The following AASS variants were observed in gnomAD, a reference collection of about 807,000 sequenced individuals.
The protein encoded by AASS is alpha-aminoadipic semialdehyde synthase, mitochondrial.
In AASS, 86 loss-of-function variants were observed where a neutral mutation model predicts 105.4. The ratio of observed to expected loss-of-function variants is 0.82; its 90% confidence interval spans 0.69 to 0.98. The LOEUF (loss-of-function observed/expected upper bound fraction) is 0.98, where lower values mean the gene tolerates loss of function less well. Among genes scored for constraint, AASS ranks in the 50% least tolerant of loss-of-function variants. AASS has a pLI of 0.00. For missense variants in AASS, 1,048 were observed against 1,143.2 expected (o/e 0.92, Z 1.20); for synonymous variants, 381 against 394.8 (o/e 0.96, Z 0.41).
In AASS at chr7:122,076,313, C is replaced by CT. The variant is rs1013032596; in HGVS notation, c.*175dup. ...AAAGTTCTCTGTTAGTGGCTTGCAT[C>CT]TCCTGTTCCAAACATTTCCATATTA... is the stretch of plus-strand genomic sequence containing the variant. On this transcript the variant is annotated 3_prime_UTR_variant, in exon 24 of 24. Coordinates refer to ENST00000417368, the MANE Select transcript of AASS (RefSeq NM_005763.4). 7 of 594,970 alleles carry CT rather than the reference C, an allele frequency of 1.2e-5. No individual in the cohort carries two copies. Among genetic ancestry groups the CT allele is most frequent in the African/African-American group, 1.1e-4 (6 of 53,896 alleles). The allele number at this position is 594,970 out of a possible 1,614,324, so 36.9% of individuals were successfully genotyped here.
intron 3 of AASS, among the ~76,000 whole-genome samples, chr7:122,127,651 A>G (rs535789718): frequency 1.3e-5 from 2 of 152,312 alleles, no homozygotes; most frequent in African/African-American, 4.8e-5. Context: ...TTTGGAATCA[A>G]TTGGAAGTAT....
At chr7:122,141,186 C>T (rs1362775565) in intron 1 of AASS, among the ~76,000 whole-genome samples, 1 of 152,148 alleles carries the variant, frequency 6.6e-6, no homozygotes, top group Non-Finnish European at 1.5e-5. Context: ...CCATGTTAAA[C>T]CCTCTATAAA....
intron 6 of AASS, 108 bp from the exon 7 acceptor site, chr7:122,117,065 C>G: frequency 1.0e-6 from 1 of 997,910 alleles, no homozygotes; most frequent in Non-Finnish European, 1.6e-6. Flanking sequence ...CTCCACTTGC[C>G]TTCCCTACAA....
chr7:122,112,414 G>C (rs930174407), intron 11 of AASS, among the ~76,000 whole-genome samples: 6 of 152,276 alleles, frequency 3.9e-5, no homozygotes, highest in Non-Finnish European at 5.9e-5. Flanking sequence ...GAGGATCACA[G>C]ACTGGAAATT....
Position 122,091,605 on chromosome 7 carries a change from C to T in AASS, c.2016+98G>A, listed in dbSNP as rs138189092. Reference sequence around the variant, plus strand: ...AGGAGGAGATAATGGAGACAGGCAGCATCACCATTATTAAAGGGTTTGGGA... The same window carrying T: ...AGGAGGAGATAATGGAGACAGGCAGTATCACCATTATTAAAGGGTTTGGGA... On this transcript the variant is annotated intron_variant, in intron 18 of 23. Coordinates refer to ENST00000417368, the MANE Select transcript of AASS (RefSeq NM_005763.4). The T allele has an allele frequency of 1.5e-3, 2,363 of 1,548,930 alleles. 4 individuals carry two copies. The highest frequency in any genetic ancestry group is 1.9e-3 in the Non-Finnish European group (2,156 of 1,125,462).
chr7:122,077,805 A>G, intron 23 of AASS, 33 bp downstream of exon 23: 1 of 1,613,994 alleles, frequency 6.2e-7, no homozygotes, highest in Admixed American at 1.7e-5. Flanking sequence ...GGTGAAACAG[A>G]AACAGGCTTA....
intron 3 of AASS, among the ~76,000 whole-genome samples, chr7:122,126,668 T>C (rs1795670989): frequency 6.6e-6 from 1 of 152,030 alleles, no homozygotes; most frequent in Admixed American, 6.6e-5. Context: ...AATGAAAAAA[T>C]GTTTGTAGCA....
intron 11 of AASS, among the ~76,000 whole-genome samples, chr7:122,112,113 C>T (rs764766154): frequency 6.6e-6 from 1 of 152,166 alleles, no homozygotes; most frequent in Non-Finnish European, 1.5e-5. Context: ...GCAGATCCAG[C>T]ACTGACTGTA....
At chr7:122,136,881 CT>C (rs1001419457) in intron 1 of AASS, among the ~76,000 whole-genome samples, 7 of 152,298 alleles carry the variant, frequency 4.6e-5, no homozygotes, top group African/African-American at 1.7e-4. Flanking sequence ...CCACCACCTT[CT>C]TTGTCTGGGA....
At chr7:122,094,578 CAG>C (rs1794055733) in intron 15 of AASS, among the ~76,000 whole-genome samples, 1 of 152,048 alleles carries the variant, frequency 6.6e-6, no homozygotes, top group Non-Finnish European at 1.5e-5. Flanking sequence ...ATGTAATTGA[CAG>C]GGTATTTTAT....
rs1306582687 is a variant in AASS at position 122,113,618 on chromosome 7, G to A, written c.1146C>T (p.Asp382=). 3 of 1,613,416 alleles carry A rather than the reference G, an allele frequency of 1.9e-6. No individual in the cohort carries two copies. The African/African-American group carries it at 4.0e-5, about 22-fold the overall frequency. ...CTCACCTGTCATGAATAATATGCTG[G>A]TCTGCATCATACATGCAAAAGGGAT... The part of the protein sequence containing the change: ...IEHPFCMYDA[D]QHIIHDSVEG... The change falls in exon 10 of 24, where the codon GAC becomes GAT. Residue 382 remains aspartate (D), a synonymous_variant. Coordinates refer to ENST00000417368, the MANE Select transcript of AASS (RefSeq NM_005763.4).
chr7:122,127,018 C>G (rs1362844871), intron 3 of AASS, among the ~76,000 whole-genome samples: 1 of 152,300 alleles, frequency 6.6e-6, no homozygotes, highest in Admixed American at 6.5e-5. Flanking sequence ...AACACTCTCT[C>G]TCAAGTCCAA....
intron 1 of AASS, among the ~76,000 whole-genome samples, chr7:122,138,164 G>T (rs1330778991): frequency 6.6e-6 from 1 of 152,032 alleles, no homozygotes; most frequent in Non-Finnish European, 1.5e-5. Context: ...CACCACTAAG[G>T]TATACATTTT....
rs748173357 is a variant in AASS at position 122,133,622 on chromosome 7, G to A, written c.105C>T (p.Ala35=). ...GAGCTAGCGGGGCCCTTCTCTCCCA[G>A]GCGTTCACATCCTCCCTCCGGACGG... The part of the protein sequence containing the change: ...VLAVRREDVN[A]WERRAPLAPK... The change falls in exon 2 of 24, where the codon GCC becomes GCT. Residue 35 remains alanine, a synonymous_variant. Coordinates refer to ENST00000417368, the MANE Select transcript of AASS (RefSeq NM_005763.4). 1 of 1,614,020 alleles carries A rather than the reference G, an allele frequency of 6.2e-7. No homozygotes were observed. Among genetic ancestry groups the A allele is most frequent in the East Asian group, 2.2e-5 (1 of 44,886 alleles).
intron 10 of AASS, 120 bp downstream of exon 10, chr7:122,113,478 T>C (rs1795026191): frequency 3.8e-6 from 5 of 1,312,968 alleles, no homozygotes; most frequent in Non-Finnish European, 5.3e-6. Flanking sequence ...TTTTAGTATG[T>C]TTGAGTATAT....
intron 1 of AASS, among the ~76,000 whole-genome samples, chr7:122,143,433 C>G (rs560102951): frequency 3.0e-4 from 45 of 150,722 alleles, no homozygotes; most frequent in Admixed American, 2.1e-3. Flanking sequence ...ACATTCAGCC[C>G]CATTCAACCG....
At chr7:122,137,768 CT>C (rs892721595) in intron 1 of AASS, among the ~76,000 whole-genome samples, 2 of 152,050 alleles carry the variant, frequency 1.3e-5, no homozygotes, top group Non-Finnish European at 2.9e-5. Flanking sequence ...TTTTTCTGTC[CT>C]GGATTTTGTG....
chr7:122,111,119 G>T (rs1794909214), intron 11 of AASS, among the ~76,000 whole-genome samples: 1 of 152,182 alleles, frequency 6.6e-6, no homozygotes, highest in Admixed American at 6.5e-5. Flanking sequence ...AATCAATAAA[G>T]TTCAACCACA....
chr7:122,099,074 T>C (rs1310825573), intron 13 of AASS, among the ~76,000 whole-genome samples: 1 of 151,838 alleles, frequency 6.6e-6, no homozygotes, highest in Non-Finnish European at 1.5e-5. Flanking sequence ...TTTTGTACAA[T>C]GAAGAACAAT....
Sources: allele counts gnomAD v4.1 joint callset (sites outside exome capture counted in the v4.1 genomes callset), GRCh38; gene constraint gnomAD v4.1.1; transcripts MANE v1.5; gene names NCBI Gene and HGNC (gene_info 2026-07-23, HGNC 2026-07-21).